Variants in NTM observed in about 807,000 individuals in gnomAD.
NTM encodes the protein neurotrimin, also known as IgLON family member 2.
A neutral mutation model predicts 42.1 loss-of-function variants in NTM; 13 were observed. That is an observed-to-expected ratio of 0.31 (90% CI 0.20 to 0.49). The LOEUF (loss-of-function observed/expected upper bound fraction) is 0.49. Among genes scored for constraint, NTM ranks in the 20% least tolerant of loss-of-function variants. The pLI is 0.99. For synonymous variants in NTM, 187 were observed against 179.2 expected, an observed-to-expected ratio of 1.04 and a Z score of -0.35; for missense variants, 373 against 452.8, an observed-to-expected ratio of 0.82 and a Z score of 1.60.
intron 3 of NTM, among the ~76,000 whole-genome samples, chr11:132,195,915 G>C (rs1353280500): frequency 2.0e-5 from 3 of 152,078 alleles, no homozygotes; most frequent in Admixed American, 6.6e-5. Flanking sequence ...TTAGGACTGA[G>C]TCCCCAAAAG....
intron 1 of NTM, among the ~76,000 whole-genome samples, chr11:131,764,503 C>A (rs1290096461): frequency 6.6e-6 from 1 of 152,164 alleles, no homozygotes; most frequent in African/African-American, 2.4e-5. Context: ...GTGGAGAGAG[C>A]ATGGGGTTTG....
At chr11:131,711,164 A>T (rs2077085045) in intron 1 of NTM, among the ~76,000 whole-genome samples, 1 of 152,246 alleles carries the variant, frequency 6.6e-6, no homozygotes, top group Non-Finnish European at 1.5e-5. Flanking sequence ...TCTGCACCGC[A>T]AAAGAAACTA....
intron 1 of NTM, among the ~76,000 whole-genome samples, chr11:131,486,081 C>A (rs1008857457): frequency 2.0e-5 from 3 of 152,038 alleles, no homozygotes; most frequent in Non-Finnish European, 2.9e-5. Context: ...ACTGGACACT[C>A]AGTTGATATT....
chr11:131,838,457 A>C (rs539720780), intron 1 of NTM, among the ~76,000 whole-genome samples: 2 of 152,300 alleles, frequency 1.3e-5, no homozygotes, highest in East Asian at 3.9e-4. Context: ...GTCATGTATT[A>C]GTTGTGTTGC....
At chr11:131,730,620 G>C (rs1011850478) in intron 1 of NTM, among the ~76,000 whole-genome samples, 2 of 152,026 alleles carry the variant, frequency 1.3e-5, no homozygotes, top group East Asian at 1.9e-4. Flanking sequence ...TCAAGAGGCT[G>C]AGGCTGGGGG....
At chr11:131,515,965 T>C (rs1591902155) in intron 1 of NTM, among the ~76,000 whole-genome samples, 1 of 152,228 alleles carries the variant, frequency 6.6e-6, no homozygotes, top group African/African-American at 2.4e-5. Flanking sequence ...TGGACTTATA[T>C]GGAATTAGGG....
chr11:131,376,497 C>A (rs1941992555), intron 1 of NTM, among the ~76,000 whole-genome samples: 1 of 152,090 alleles, frequency 6.6e-6, no homozygotes, highest in Non-Finnish European at 1.5e-5. Context: ...GAAACCCTGC[C>A]AGAAGAGCTC....
chr11:131,666,202 T>G (rs1019851321), intron 1 of NTM, among the ~76,000 whole-genome samples: 3 of 152,180 alleles, frequency 2.0e-5, no homozygotes, highest in Non-Finnish European at 4.4e-5. Flanking sequence ...GGCCAGCCCT[T>G]CACCCTTCAC....
chr11:131,403,052 A>C (rs1292507675), intron 1 of NTM, among the ~76,000 whole-genome samples: 1 of 152,360 alleles, frequency 6.6e-6, no homozygotes, highest in Middle Eastern at 3.4e-3. Context: ...GACTGCATAA[A>C]AGGAACAGAT....
chr11:132,278,522 A>G (rs1022957021), intron 4 of NTM, among the ~76,000 whole-genome samples: 17 of 152,142 alleles, frequency 1.1e-4, no homozygotes, highest in African/African-American at 4.1e-4. Flanking sequence ...TCTAGAACAC[A>G]GGCAGAAACT....
intron 3 of NTM, among the ~76,000 whole-genome samples, chr11:132,163,224 C>T (rs146869403): frequency 6.6e-6 from 1 of 152,258 alleles, no homozygotes; most frequent in African/African-American, 2.4e-5. Flanking sequence ...CGAGGATCTC[C>T]TCTGGCTCCT....
intron 2 of NTM, among the ~76,000 whole-genome samples, chr11:131,985,565 G>A (rs1175006677): frequency 6.6e-6 from 1 of 152,150 alleles, no homozygotes; most frequent in South Asian, 2.1e-4. Flanking sequence ...GCATCAGGAG[G>A]GGTTGCCTAC....
intron 1 of NTM, among the ~76,000 whole-genome samples, chr11:131,806,417 C>G (rs532998043): frequency 6.6e-6 from 1 of 152,164 alleles, no homozygotes; most frequent in African/African-American, 2.4e-5. Context: ...GTGAGCCTCT[C>G]AATTCCAGAG....
At chr11:132,195,266 A>G (rs1273765272) in intron 3 of NTM, among the ~76,000 whole-genome samples, 1 of 152,192 alleles carries the variant, frequency 6.6e-6, no homozygotes, top group Non-Finnish European at 1.5e-5. Context: ...TACAATGAGA[A>G]TTACAAAACA....
chr11:131,704,288 T>C (rs998868093), intron 1 of NTM, among the ~76,000 whole-genome samples: 1 of 152,122 alleles, frequency 6.6e-6, no homozygotes. Flanking sequence ...CCGAGGCTCA[T>C]CCATGGGGAC....
intron 3 of NTM, among the ~76,000 whole-genome samples, chr11:132,154,636 C>T (rs1365533509): frequency 6.6e-6 from 1 of 152,144 alleles, no homozygotes; most frequent in Non-Finnish European, 1.5e-5. Flanking sequence ...ATGACAGCTG[C>T]AAGAAGCAGT....
At chr11:131,670,540 C>T (rs1449430820) in intron 1 of NTM, among the ~76,000 whole-genome samples, 2 of 152,172 alleles carry the variant, frequency 1.3e-5, no homozygotes, top group Non-Finnish European at 2.9e-5. Flanking sequence ...TCCGCTGGAG[C>T]TGGGCCTTCT....
chr11:131,513,208 C>T (rs756896411), intron 1 of NTM, among the ~76,000 whole-genome samples: 2 of 152,212 alleles, frequency 1.3e-5, no homozygotes, highest in African/African-American at 2.4e-5. Flanking sequence ...GAGATCAATT[C>T]TTTCCACCAG....
intron 1 of NTM, among the ~76,000 whole-genome samples, chr11:131,477,356 C>T (rs886304320): frequency 2.0e-5 from 3 of 151,926 alleles, no homozygotes; most frequent in African/African-American, 7.3e-5. Flanking sequence ...TCACGTCTCC[C>T]AACTCCAAGT....
Sources: allele counts gnomAD v4.1 joint callset (sites outside exome capture counted in the v4.1 genomes callset), GRCh38; gene constraint gnomAD v4.1.1; transcripts MANE v1.5; gene names NCBI Gene and HGNC (gene_info 2026-07-23, HGNC 2026-07-21).